The following IGF1R variants were observed in gnomAD, a reference collection of about 807,000 sequenced individuals.
IGF1R encodes insulin like growth factor 1 receptor.
IGF1R carries 44 observed loss-of-function variants against 144.6 expected under a neutral mutation model. The observed-to-expected ratio is 0.30, with a 90% CI of 0.24 to 0.39. The LOEUF (loss-of-function observed/expected upper bound fraction) is 0.39, where lower values mean the gene tolerates loss of function less well. Among genes scored for constraint, IGF1R ranks in the 10% least tolerant of loss-of-function variants. The pLI, the probability that IGF1R is intolerant of heterozygous loss-of-function variation, is 1.00. For missense variants in IGF1R, 1,355 were observed against 1,833.7 expected (o/e 0.74, Z 4.77); for synonymous variants, 795 against 722.8 (o/e 1.10, Z -1.60).
At chr15:98,651,709 A>AG (rs1219657351) in intron 1 of IGF1R, among the ~76,000 whole-genome samples, 10 of 152,146 alleles carry the variant, frequency 6.6e-5, no homozygotes, top group African/African-American at 2.4e-4. Flanking sequence ...GGCAGGAGGG[A>AG]GGGGGTGTTT....
chr15:98,834,103 A>G (rs1032596165), intron 2 of IGF1R, among the ~76,000 whole-genome samples: 3 of 152,252 alleles, frequency 2.0e-5, no homozygotes, highest in Non-Finnish European at 4.4e-5. Flanking sequence ...TCCCCAAGAA[A>G]TTAATCCATT....
At position 98,955,711 on chromosome 15, in the gene IGF1R, C is replaced by T. The variant is rs932831924; in HGVS notation, c.3723-1350C>T. 2.6e-5 allele frequency among the ~76,000 whole-genome samples: 4 copies of T among 152,344 alleles called. No individual in the cohort carries two copies. The South Asian group carries it at 8.3e-4, about 32-fold the overall frequency. ...AGCCCTTCTCTTGGCAGGCCAGCTT[C>T]CAGGCCCAGTGGCTTCTCTTACATC... On this transcript the variant is annotated intron_variant, in intron 20 of 20. Transcript: ENST00000650285.
At chr15:98,928,200 T>G (rs4965438) in intron 13 of IGF1R, among the ~76,000 whole-genome samples, 27,060 of 152,060 alleles carry the variant, frequency 0.18, 2,975 homozygotes, top group South Asian at 0.38. Context: ...GGGGATGGTA[T>G]GAGCTGTCAT....
intron 2 of IGF1R, among the ~76,000 whole-genome samples, chr15:98,738,172 G>A (rs572821902): frequency 2.0e-4 from 31 of 152,274 alleles, no homozygotes; most frequent in South Asian, 6.2e-4. Flanking sequence ...ACCCTTTACC[G>A]GGGTAAAACA....
At chr15:98,685,031 G>T (rs112612903) in intron 1 of IGF1R, among the ~76,000 whole-genome samples, 2 of 145,786 alleles carry the variant, frequency 1.4e-5, no homozygotes, top group Non-Finnish European at 3.0e-5. Context: ...CAGCCTCAAC[G>T]TCCCAGGCTC....
chr15:98,896,085 A>T (rs1378631275), intron 3 of IGF1R, among the ~76,000 whole-genome samples: 3 of 152,198 alleles, frequency 2.0e-5, no homozygotes, highest in African/African-American at 4.8e-5. Flanking sequence ...ACAAGAGCTC[A>T]TTACAAAGTA....
intron 6 of IGF1R, among the ~76,000 whole-genome samples, chr15:98,910,712 C>G (rs977058000): frequency 1.3e-5 from 2 of 152,222 alleles, no homozygotes; most frequent in East Asian, 1.9e-4. Flanking sequence ...CAAGTGAGAT[C>G]TTCTTGTCAG....
intron 1 of IGF1R, among the ~76,000 whole-genome samples, chr15:98,687,891 C>A (rs113157507): frequency 6.6e-6 from 1 of 152,152 alleles, no homozygotes; most frequent in Non-Finnish European, 1.5e-5. Context: ...TACTTAACTT[C>A]CTTGCTGGAA....
chr15:98,782,417 T>A (rs2055881207), intron 2 of IGF1R, among the ~76,000 whole-genome samples: 1 of 152,226 alleles, frequency 6.6e-6, no homozygotes, highest in South Asian at 2.1e-4. Context: ...CCATGAAGTC[T>A]TCATTACAAC....
chr15:98,751,635 A>T (rs1182190769), intron 2 of IGF1R, among the ~76,000 whole-genome samples: 3 of 152,148 alleles, frequency 2.0e-5, no homozygotes, highest in Admixed American at 1.3e-4. Flanking sequence ...TTTGTCCTTT[A>T]TTTCAAATTA....
At position 98,964,412 on chromosome 15, in the gene IGF1R, G is replaced by GA. The variant is rs1308633504; in HGVS notation, c.*6976dup. ...TATACTCTGGATTCTTTACATAATG[G>GA]AAAAAAGAAACTGTCTATTTTGAAT... On this transcript the variant is annotated 3_prime_UTR_variant, in exon 21 of 21. Transcript: ENST00000650285. The GA allele has an allele frequency of 4.4e-6, 1 of 229,424 alleles. No homozygotes were observed. Among genetic ancestry groups the GA allele is most frequent in the Non-Finnish European group, 8.7e-6 (1 of 115,534 alleles). The allele number at this position is 229,424 out of a possible 1,614,324, so 14.2% of individuals were successfully genotyped here.
chr15:98,939,010 A>G (rs2016263500), intron 17 of IGF1R, among the ~76,000 whole-genome samples, 191 bp from the exon 18 acceptor site: 1 of 152,226 alleles, frequency 6.6e-6, no homozygotes, highest in South Asian at 2.1e-4. Flanking sequence ...AAGTGCAAAT[A>G]AGCTTGCGGG....
At chr15:98,884,248 A>G (rs186528121) in intron 2 of IGF1R, among the ~76,000 whole-genome samples, 5 of 152,200 alleles carry the variant, frequency 3.3e-5, no homozygotes, top group African/African-American at 1.2e-4. Context: ...TCCCTTCTCC[A>G]TCCATCTGCT....
chr15:98,652,748 G>A (rs2141163146), intron 1 of IGF1R, among the ~76,000 whole-genome samples: 1 of 152,268 alleles, frequency 6.6e-6, no homozygotes, highest in East Asian at 1.9e-4. Context: ...TGGTTGCCAG[G>A]GGCTGGGGGC....
At chr15:98,726,970 C>G (rs1214554389) in intron 2 of IGF1R, among the ~76,000 whole-genome samples, 1 of 152,126 alleles carries the variant, frequency 6.6e-6, no homozygotes, top group Non-Finnish European at 1.5e-5. Flanking sequence ...ATCCACCCAC[C>G]TTGGCCTCCC....
At chr15:98,766,241 T>G (rs1173717783) in intron 2 of IGF1R, among the ~76,000 whole-genome samples, 1 of 152,188 alleles carries the variant, frequency 6.6e-6, no homozygotes, top group Non-Finnish European at 1.5e-5. Flanking sequence ...AATTCAGTAA[T>G]AATAAACTGT....
At chr15:98,923,804 C>T in intron 11 of IGF1R, 72 bp from the exon 12 acceptor site, 8 of 1,240,636 alleles carry the variant, frequency 6.4e-6, no homozygotes, top group Non-Finnish European at 9.5e-6. Flanking sequence ...GGGTTATTCT[C>T]AGGTCAGCCC....
chr15:98,903,412 G>A (rs922213293), intron 5 of IGF1R, among the ~76,000 whole-genome samples: 12 of 152,336 alleles, frequency 7.9e-5, no homozygotes, highest in Admixed American at 2.0e-4. Context: ...TGTGCAACAC[G>A]CAGTGCTTTG....
At chr15:98,653,750 T>A (rs1272652639) in intron 1 of IGF1R, among the ~76,000 whole-genome samples, 1 of 152,240 alleles carries the variant, frequency 6.6e-6, no homozygotes, top group Non-Finnish European at 1.5e-5. Context: ...TGTCTAAGGC[T>A]TAGTTTACTA....
Sources: allele counts gnomAD v4.1 joint callset (sites outside exome capture counted in the v4.1 genomes callset), GRCh38; gene constraint gnomAD v4.1.1; transcripts MANE v1.5; gene names NCBI Gene and HGNC (gene_info 2026-07-23, HGNC 2026-07-21).